AKAP6: variants seen among roughly 807,000 people sequenced by gnomAD.
The protein encoded by AKAP6 is A-kinase anchoring protein 6, also known as A-kinase anchor protein 6.
AKAP6 carries 58 observed loss-of-function variants against 188.5 expected under a neutral mutation model. The ratio of observed to expected loss-of-function variants is 0.31; its 90% confidence interval spans 0.25 to 0.38. AKAP6 has a LOEUF of 0.38. AKAP6 is among the 10% of genes least tolerant of loss of function. The pLI, the probability that AKAP6 is intolerant of heterozygous loss-of-function variation, is 1.00. For missense variants in AKAP6, 2,710 were observed against 2,740.0 expected (o/e 0.99, Z 0.24); for synonymous variants, 989 against 998.6 (o/e 0.99, Z 0.18).
intron 2 of AKAP6, among the ~76,000 whole-genome samples, chr14:32,481,994 A>T (rs1879375382): frequency 6.7e-6 from 1 of 148,746 alleles, no homozygotes; most frequent in African/African-American, 2.4e-5. Flanking sequence ...TCTTGGAACA[A>T]ATTGAAGGGC....
chr14:32,827,345 G>T (rs964279094), intron 13 of AKAP6, among the ~76,000 whole-genome samples: 31 of 150,192 alleles, frequency 2.1e-4, no homozygotes, highest in African/African-American at 7.3e-4. Flanking sequence ...AATTCCATTT[G>T]CTTGGTTTTT....
chr14:32,577,719 T>C (rs1459842915), intron 5 of AKAP6, among the ~76,000 whole-genome samples: 1 of 152,128 alleles, frequency 6.6e-6, no homozygotes, highest in Non-Finnish European at 1.5e-5. Context: ...TTTGCTGCTA[T>C]GTGGGTTTTT....
intron 2 of AKAP6, among the ~76,000 whole-genome samples, chr14:32,453,877 G>A (rs1404433329): frequency 6.6e-6 from 1 of 152,006 alleles, no homozygotes; most frequent in African/African-American, 2.4e-5. Flanking sequence ...GAGCCACTGC[G>A]CCCGGCCGAA....
chr14:32,808,496 T>C (rs980831086), intron 12 of AKAP6, among the ~76,000 whole-genome samples: 1 of 152,228 alleles, frequency 6.6e-6, no homozygotes, highest in Non-Finnish European at 1.5e-5. Context: ...TCCTGTAAGA[T>C]TACTAACTCA....
chr14:32,561,291 C>A (rs1156643641), intron 4 of AKAP6, among the ~76,000 whole-genome samples: 1 of 152,004 alleles, frequency 6.6e-6, no homozygotes, highest in African/African-American at 2.4e-5. Context: ...GGAATTAGCA[C>A]CATATATATT....
At chr14:32,625,859 C>T (rs1887000508) in intron 7 of AKAP6, among the ~76,000 whole-genome samples, 1 of 152,098 alleles carries the variant, frequency 6.6e-6, no homozygotes, top group Admixed American at 6.6e-5. Flanking sequence ...TTTCACCAGC[C>T]TTTCAGAGGT....
intron 1 of AKAP6, among the ~76,000 whole-genome samples, chr14:32,359,293 T>C (rs1386343460): frequency 6.6e-6 from 1 of 152,194 alleles, no homozygotes; most frequent in African/African-American, 2.4e-5. Context: ...TTATTTCTGA[T>C]TTTTGAAGAA....
chr14:32,550,811 A>C (rs1883426613), intron 4 of AKAP6, among the ~76,000 whole-genome samples: 1 of 152,186 alleles, frequency 6.6e-6, no homozygotes, highest in Admixed American at 6.5e-5. Context: ...TTTAATCCTA[A>C]ATTAACCACT....
intron 7 of AKAP6, among the ~76,000 whole-genome samples, chr14:32,647,047 G>C (rs987502973): frequency 7.9e-5 from 12 of 152,066 alleles, no homozygotes; most frequent in Admixed American, 5.2e-4. Context: ...CCATGTCACT[G>C]TATCCCAAAA....
chr14:32,619,147 G>T (rs1173852177), intron 7 of AKAP6, among the ~76,000 whole-genome samples: 1 of 151,078 alleles, frequency 6.6e-6, no homozygotes, highest in African/African-American at 2.5e-5. Flanking sequence ...TTACTCTGAT[G>T]ATTATTTCTT....
intron 11 of AKAP6, among the ~76,000 whole-genome samples, chr14:32,770,510 G>A (rs1478173842): frequency 2.6e-5 from 4 of 152,106 alleles, no homozygotes; most frequent in Non-Finnish European, 4.4e-5. Context: ...ATAATGAAAA[G>A]CATTTCAAAC....
intron 8 of AKAP6, among the ~76,000 whole-genome samples, chr14:32,689,567 A>C (rs890772510): frequency 6.6e-6 from 1 of 152,182 alleles, no homozygotes; most frequent in East Asian, 1.9e-4. Context: ...TTCATTCAAA[A>C]TAGTAAATTA....
intron 4 of AKAP6, among the ~76,000 whole-genome samples, chr14:32,553,243 C>T (rs1192640332): frequency 1.3e-5 from 2 of 151,094 alleles, no homozygotes; most frequent in African/African-American, 4.9e-5. Context: ...GCTCACTGCA[C>T]CTCCGCCTCC....
At chr14:32,716,493 G>A (rs1302603307) in intron 9 of AKAP6, among the ~76,000 whole-genome samples, 1 of 150,208 alleles carries the variant, frequency 6.7e-6, no homozygotes, top group Non-Finnish European at 1.5e-5. Context: ...TATGTATTTA[G>A]TATATGCTAT....
chr14:32,736,539 C>T (rs184198662), intron 11 of AKAP6, among the ~76,000 whole-genome samples: 4 of 152,262 alleles, frequency 2.6e-5, no homozygotes, highest in African/African-American at 9.6e-5. Context: ...CCCAACCTAG[C>T]CCATACTGCT....
intron 12 of AKAP6, among the ~76,000 whole-genome samples, chr14:32,786,208 G>C (rs2033396109): frequency 6.7e-6 from 1 of 148,906 alleles, no homozygotes; most frequent in African/African-American, 2.5e-5. Flanking sequence ...TTACTTTCAT[G>C]TTCGCTCTGA....
chr14:32,386,797 A>G (rs1888548413), intron 1 of AKAP6, among the ~76,000 whole-genome samples: 1 of 152,104 alleles, frequency 6.6e-6, no homozygotes, highest in Non-Finnish European at 1.5e-5. Flanking sequence ...GGAAGAGATG[A>G]GGATCCAGTT....
At chr14:32,759,790 A>G (rs2032474951) in intron 11 of AKAP6, among the ~76,000 whole-genome samples, 1 of 152,046 alleles carries the variant, frequency 6.6e-6, no homozygotes, top group Admixed American at 6.6e-5. Context: ...GCAATAATTC[A>G]CTGTCATGAA....
rs1244916691 is a variant in AKAP6, at chr14:32,822,117, G to A, written c.4304G>A (p.Cys1435Tyr). 1 of 1,613,932 alleles carries A rather than the reference G, an allele frequency of 6.2e-7. No homozygotes were observed. Residue 1435 changes from cysteine to tyrosine, a missense_variant, in exon 13 of 14, where the codon TGT becomes TAT. Around this residue, in one of 2 missense-constraint regions of AKAP6, gnomAD observed 2,473 missense variants for 2,426.1 expected, o/e 1.02. Transcript: ENST00000280979. ...CAGTCGTCCATTTCACCAGTGGGTT[G>A]TGTAAATGGAAAAGTTGGAGATTTA... is the stretch of plus-strand genomic sequence containing the variant. ...SSQSSISPVG[C>Y]VNGKVGDLNS...
Sources: gnomAD v4.1 joint callset for allele counts (sites outside exome capture counted in the v4.1 genomes callset) on GRCh38, gnomAD v4.1.1 for gene constraint, gnomAD v4.1.1 regional missense constraint, MANE v1.5 for transcripts, NCBI Gene and HGNC (gene_info 2026-07-23, HGNC 2026-07-21) for gene names.